Variants in MGAM observed in about 807,000 individuals in gnomAD.
MGAM encodes the protein alpha-1,4-glucosidase.
A neutral mutation model predicts 358.8 loss-of-function variants in MGAM; 253 were observed. The observed-to-expected ratio is 0.71, with a 90% CI of 0.64 to 0.78. MGAM has a LOEUF of 0.78. Among genes scored for constraint, MGAM ranks in the 30% least tolerant of loss-of-function variants. The pLI, the probability that MGAM is intolerant of heterozygous loss-of-function variation, is 0.00. For synonymous variants in MGAM, 1,105 were observed against 1,227.1 expected (o/e 0.90, Z 2.08); for missense variants, 3,080 against 3,432.6 (o/e 0.90, Z 2.57).
In MGAM at chr7:142,095,677, C is replaced by A; in HGVS notation, c.7571C>A (p.Thr2524Lys). The A allele has an allele frequency of 6.2e-7, 1 of 1,613,880 alleles. No homozygotes were observed. Among genetic ancestry groups the A allele is most frequent in the East Asian group, 2.2e-5 (1 of 44,892 alleles). Residue 2524 changes from threonine (T) to lysine (K), a missense_variant, in exon 64 of 71, where the codon ACG becomes AAG. Coordinates refer to ENST00000475668, the MANE Select transcript of MGAM (RefSeq NM_001365693.1). ...TATACCTTGATGCATAAGGCCCACA[C>A]GGAGGGCGTCACTGTTGTGCGGCCT... is the stretch of plus-strand genomic sequence containing the variant. ...YLYTLMHKAH[T>K]EGVTVVRPLL...
In MGAM at chr7:142,020,586, A is replaced by AATAT. The variant is rs201449305; in HGVS notation, c.449-373_449-370dup. Among the ~76,000 whole-genome samples the AATAT allele has an allele frequency of 6.3e-3, 885 of 141,474 alleles. 14 individuals carry two copies. Among genetic ancestry groups the AATAT allele is most frequent in the African/African-American group, 0.022 (817 of 36,996 alleles). 92.8% of individuals were successfully genotyped at this position (141,474 alleles called of 152,430 possible). A position where few individuals can be genotyped will look rare whatever the true frequency, so the allele number is the denominator to read the frequency against. On this transcript the variant is annotated intron_variant, in intron 4 of 70. Transcript: ENST00000475668. ...CATCAATCCCTTTGACATGTATCCT[A>AATAT]ATATATATATATATATATTTTTTTT...
Position 142,092,623 on chromosome 7 carries a change from C to T in MGAM, c.7033+15C>T, listed in dbSNP as rs1481077768. 4 of 1,519,470 alleles carry T rather than the reference C, an allele frequency of 2.6e-6. 1 individual carries two copies. The African/African-American group carries it at 5.4e-5, about 20-fold the overall frequency. The allele number at this position is 1,519,470 out of a possible 1,614,324, so 94.1% of individuals were successfully genotyped here. A position where few individuals can be genotyped will look rare whatever the true frequency, so the allele number is the denominator to read the frequency against. ...CTACATGCCGTGTAAGAATCCTTGG[C>T]CTTCTTGATTGGCAGAGCCATGATT... On this transcript the variant is annotated intron_variant, in intron 59 of 70. Transcript: ENST00000475668.
At chr7:142,093,374 C>G in intron 59 of MGAM, 38 bp from the exon 60 acceptor site, 1 of 1,515,214 alleles carries the variant, frequency 6.6e-7, no homozygotes, top group East Asian at 2.4e-5. Flanking sequence ...GAAACAGAAT[C>G]AGGGCTGGAT....
At chr7:142,103,100 T>C (rs1374181420) in intron 69 of MGAM, among the ~76,000 whole-genome samples, 169 bp from the exon 70 acceptor site, 1 of 152,090 alleles carries the variant, frequency 6.6e-6, no homozygotes, top group East Asian at 1.9e-4. Flanking sequence ...TGGATGGGAG[T>C]TGGCAATAGG....
intron 58 of MGAM, 111 bp downstream of exon 58, chr7:142,092,158 T>C: frequency 7.3e-7 from 1 of 1,369,878 alleles, no homozygotes; most frequent in Non-Finnish European, 9.9e-7. Context: ...CAAGGAAGAC[T>C]TTGGACATAT....
chr7:142,020,099 G>A (rs1326023883), intron 4 of MGAM, among the ~76,000 whole-genome samples: 3 of 151,120 alleles, frequency 2.0e-5, no homozygotes, highest in South Asian at 4.2e-4. Flanking sequence ...AGAGTATAAT[G>A]ATGACAATGA....
At chr7:142,045,172 TTATATAA>T (rs1809935963) in intron 21 of MGAM, among the ~76,000 whole-genome samples, 2 of 64,440 alleles carry the variant, frequency 3.1e-5, no homozygotes, top group African/African-American at 6.9e-5. Context: ...AATATATATA[TTATATAA>T]CATATATGAT....
At chr7:142,100,734 T>C in intron 67 of MGAM, 68 bp from the exon 68 acceptor site, 1 of 1,332,416 alleles carries the variant, frequency 7.5e-7, no homozygotes, top group Non-Finnish European at 1.1e-6. Context: ...TTTATGTTTG[T>C]ATGTAAAGTC....
rs1811435092 is a variant in MGAM at position 142,055,615 on chromosome 7, C to T, written c.3372C>T (p.Thr1124=). ...GTGACATGTTTATCCGCATCTCCAC[C>T]CGCCTTCCCTCCAAGTACCTCTATG... The part of the protein sequence containing the change: ...TFSDMFIRIS[T]RLPSKYLYGF... Residue 1124 remains threonine (T), a synonymous_variant, in exon 28 of 71, where the codon ACC becomes ACT. Transcript: ENST00000475668. 1 of 1,613,830 alleles carries T rather than the reference C, an allele frequency of 6.2e-7. No individual in the cohort carries two copies. Among genetic ancestry groups the T allele is most frequent in the Non-Finnish European group, 8.5e-7 (1 of 1,179,884 alleles).
chr7:142,030,659 A>G lies in MGAM; in HGVS notation c.1372A>G (p.Asn458Asp), dbSNP rs1554463099. 3 of 1,612,680 alleles carry G rather than the reference A, an allele frequency of 1.9e-6. No homozygotes were observed. Among genetic ancestry groups the G allele is most frequent in the African/African-American group, 2.7e-5 (2 of 74,850 alleles). The change falls in exon 12 of 71, where the codon AAC becomes GAC. Residue 458 changes from asparagine (N) to aspartate (D), a missense_variant. Asn to Asp is a conservative substitution (Grantham distance 23, BLOSUM62 1). Coordinates refer to ENST00000475668, the MANE Select transcript of MGAM (RefSeq NM_001365693.1). ...TTTTTAGGATCCAGCCATCTCCAACAACTCTTCCTCAAGTAAACCCTATGG... is the reference window on the plus strand; with the variant it reads ...TTTTTAGGATCCAGCCATCTCCAACGACTCTTCCTCAAGTAAACCCTATGG... ...VIIVDPAISN[N>D]SSSSKPYGPY...
chr7:142,048,811 T>C (rs1360599324), intron 22 of MGAM, among the ~76,000 whole-genome samples: 1 of 152,146 alleles, frequency 6.6e-6, no homozygotes, highest in East Asian at 1.9e-4. Flanking sequence ...TATTTTTTAA[T>C]TGCAAAATAT....
At chr7:142,101,874 C>T (rs559497262) in intron 68 of MGAM, among the ~76,000 whole-genome samples, 97 of 150,032 alleles carry the variant, frequency 6.5e-4, no homozygotes, top group African/African-American at 2.1e-3. Flanking sequence ...TGCCATTGCA[C>T]TCCAGCCTGG....
intron 29 of MGAM, 91 bp downstream of exon 29, chr7:142,056,187 G>T (rs2961080): frequency 0.53 from 655,373 of 1,246,066 alleles, 176,023 homozygotes; most frequent in Admixed American, 0.62. Context: ...TTCCTTGAAG[G>T]CAAAATCTTC....
intron 5 of MGAM, 56 bp from the exon 6 acceptor site, chr7:142,021,530 G>C: frequency 6.5e-7 from 1 of 1,543,232 alleles, no homozygotes; most frequent in Admixed American, 1.8e-5. Context: ...TAGGGATATT[G>C]GGAAGCTCTG....
At chr7:142,019,473 AT>A (rs1554457648) in intron 4 of MGAM, among the ~76,000 whole-genome samples, 154 bp downstream of exon 4, 1 of 152,234 alleles carries the variant, frequency 6.6e-6, no homozygotes, top group Non-Finnish European at 1.5e-5. Flanking sequence ...ACTAGAATCT[AT>A]GTGGGCACCA....
chr7:141,987,637 G>C (rs1382162798), intron 2 of MGAM, among the ~76,000 whole-genome samples: 1 of 152,160 alleles, frequency 6.6e-6, no homozygotes, highest in Admixed American at 6.5e-5. Flanking sequence ...TCTAGAACAA[G>C]ATTTGAGCTT....
In MGAM at chr7:142,105,985, A is replaced by T; in HGVS notation, c.*94A>T. ...ATTATTGTGTGTTGCTAATTTGTTC[A>T]TACCCACTATTGGTGAAATATTTCT... On this transcript the variant is annotated 3_prime_UTR_variant, in exon 71 of 71. Transcript: ENST00000475668. The T allele has an allele frequency of 2.1e-6, 2 of 953,532 alleles. No homozygotes were observed. The allele number at this position is 953,532 out of a possible 1,614,324, so 59.1% of individuals were successfully genotyped here.
intron 70 of MGAM, among the ~76,000 whole-genome samples, chr7:142,104,410 GTATT>G (rs1327266104): frequency 5.3e-5 from 8 of 152,004 alleles, no homozygotes; most frequent in Non-Finnish European, 1.2e-4. Flanking sequence ...TTAGTTTATT[GTATT>G]TATTATTATT....
chr7:142,008,825 A>T (rs1465093), intron 3 of MGAM, 120 bp downstream of exon 3: 3 of 1,068,848 alleles, frequency 2.8e-6, no homozygotes, highest in Admixed American at 2.6e-5. Flanking sequence ...TTTATGTTGC[A>T]GCCATTAGTG....
Sources: gnomAD v4.1 joint callset for allele counts (sites outside exome capture counted in the v4.1 genomes callset) on GRCh38, gnomAD v4.1.1 for gene constraint, MANE v1.5 for transcripts, NCBI Gene and HGNC (gene_info 2026-07-23, HGNC 2026-07-21) for gene names.